ZNF804A: variants seen among roughly 807,000 people sequenced by gnomAD.
ZNF804A encodes the protein zinc finger protein 804A.
Under a neutral mutation model 16.5 loss-of-function variants are expected in ZNF804A, and 2 were observed. The ratio of observed to expected loss-of-function variants is 0.12; its 90% CI spans 0.05 to 0.38. ZNF804A has a LOEUF of 0.38. Among genes scored for constraint, ZNF804A ranks in the 10% least tolerant of loss-of-function variants. ZNF804A has a pLI of 0.99. For missense variants in ZNF804A, 1,473 were observed against 1,390.7 expected, an observed-to-expected ratio of 1.06 and a Z score of -0.94; for synonymous variants, 534 against 489.6, an observed-to-expected ratio of 1.09 and a Z score of -1.20.
chr2:184,837,396 A>G (rs903682379), intron 1 of ZNF804A, among the ~76,000 whole-genome samples: 1 of 152,122 alleles, frequency 6.6e-6, no homozygotes, highest in African/African-American at 2.4e-5. Flanking sequence ...AACATTAGAT[A>G]TGATGGCTTC....
At chr2:184,635,188 A>G (rs1691676862) in intron 1 of ZNF804A, among the ~76,000 whole-genome samples, 1 of 152,180 alleles carries the variant, frequency 6.6e-6, no homozygotes, top group South Asian at 2.1e-4. Flanking sequence ...AATAATATAT[A>G]TACATTCAAC....
chr2:184,878,867 C>A (rs907527795), intron 2 of ZNF804A, among the ~76,000 whole-genome samples: 1 of 151,794 alleles, frequency 6.6e-6, no homozygotes, highest in African/African-American at 2.4e-5. Flanking sequence ...CCAGACCATA[C>A]CCGAATTTTC....
At chr2:184,856,270 A>T (rs555853025) in intron 1 of ZNF804A, among the ~76,000 whole-genome samples, 2 of 152,202 alleles carry the variant, frequency 1.3e-5, no homozygotes, top group African/African-American at 4.8e-5. Context: ...ACATTTTAAA[A>T]AGCCATCTTT....
chr2:184,806,012 C>T (rs796676747), intron 1 of ZNF804A, among the ~76,000 whole-genome samples: 49 of 151,624 alleles, frequency 3.2e-4, no homozygotes, highest in African/African-American at 8.7e-4. Context: ...TAATAATCTC[C>T]GAACCAAACA....
At chr2:184,865,460 A>G (rs1695865689) in intron 1 of ZNF804A, among the ~76,000 whole-genome samples, 1 of 152,100 alleles carries the variant, frequency 6.6e-6, no homozygotes, top group Non-Finnish European at 1.5e-5. Context: ...ACAGGTTCAG[A>G]GATCACATGT....
chr2:184,822,581 A>G (rs1013752132), intron 1 of ZNF804A, among the ~76,000 whole-genome samples: 1 of 152,138 alleles, frequency 6.6e-6, no homozygotes, highest in African/African-American at 2.4e-5. Context: ...GAGTTGAGTG[A>G]AAGAGTAGTG....
intron 1 of ZNF804A, among the ~76,000 whole-genome samples, chr2:184,728,543 C>T (rs1445514794): frequency 1.3e-5 from 2 of 151,976 alleles, no homozygotes; most frequent in Admixed American, 1.3e-4. Context: ...GATGATAGGA[C>T]TTTGCACCTA....
intron 1 of ZNF804A, among the ~76,000 whole-genome samples, chr2:184,832,720 C>A (rs1032537785): frequency 2.0e-5 from 3 of 151,706 alleles, no homozygotes; most frequent in African/African-American, 7.3e-5. Context: ...GATAAATGCT[C>A]TTACATATAC....
chr2:184,704,371 C>G (rs1277277706), intron 1 of ZNF804A, among the ~76,000 whole-genome samples: 1 of 151,944 alleles, frequency 6.6e-6, no homozygotes, highest in South Asian at 2.1e-4. Flanking sequence ...AGGCTGGTCT[C>G]GAACTCCCAA....
At chr2:184,716,431 T>C (rs532504816) in intron 1 of ZNF804A, among the ~76,000 whole-genome samples, 1 of 152,214 alleles carries the variant, frequency 6.6e-6, no homozygotes, top group South Asian at 2.1e-4. Context: ...TTACAGATTA[T>C]TAAAATCAGT....
Position 184,649,531 on chromosome 2 carries a change from G to A in ZNF804A, c.111+50461G>A, listed in dbSNP as rs190121051. ...AACAAGATTGATAGACTAACAACTA[G>A]ATTAAGAAAGAAACAGAGAAGATCC... is the stretch of plus-strand genomic sequence containing the variant. On this transcript the variant is annotated intron_variant, in intron 1 of 3. Transcript: ENST00000302277. Among the ~76,000 whole-genome samples, 643 of 151,996 alleles carry A rather than the reference G, an allele frequency of 4.2e-3. 5 individuals are homozygous for A. The highest frequency in any genetic ancestry group is 0.015 in the African/African-American group (612 of 41,506).
chr2:184,760,373 T>G (rs1009685844), intron 1 of ZNF804A, among the ~76,000 whole-genome samples: 12 of 152,182 alleles, frequency 7.9e-5, no homozygotes, highest in Non-Finnish European at 1.5e-4. Flanking sequence ...TAATTATTTT[T>G]TCATTAAAAT....
In ZNF804A at chr2:184,937,155, G is replaced by A. The variant is rs866122004; in HGVS notation, c.1759G>A (p.Glu587Lys). The change falls in exon 4 of 4, where the codon GAA (glutamate) becomes AAA (lysine). Residue 587 changes from glutamate to lysine, a missense_variant. Coordinates refer to ENST00000302277, the MANE Select transcript of ZNF804A (RefSeq NM_194250.2). Reference protein sequence around the residue: ...YNKIRLKETHEYWFHKSRRKK... With the variant: ...YNKIRLKETHKYWFHKSRRKK... ...CAAAATAAGGTTGAAAGAGACCCAT[G>A]AATACTGGTTCCATAAAAGTAGAAG... The A allele has an allele frequency of 6.2e-7, 1 of 1,604,088 alleles. No individual in the cohort carries two copies. The highest frequency in any genetic ancestry group is 8.5e-7 in the Non-Finnish European group (1 of 1,177,664).
intron 1 of ZNF804A, among the ~76,000 whole-genome samples, chr2:184,648,093 A>G (rs1691912725): frequency 6.6e-6 from 1 of 152,146 alleles, no homozygotes; most frequent in African/African-American, 2.4e-5. Flanking sequence ...CTAGAAGTTA[A>G]AGTATAAATA....
chr2:184,629,681 C>A (rs1691573259), intron 1 of ZNF804A, among the ~76,000 whole-genome samples: 1 of 152,042 alleles, frequency 6.6e-6, no homozygotes, highest in Admixed American at 6.6e-5. Context: ...AGTCAAACTG[C>A]AATATTAAAA....
At chr2:184,840,114 C>A (rs952213243) in intron 1 of ZNF804A, among the ~76,000 whole-genome samples, 1 of 152,258 alleles carries the variant, frequency 6.6e-6, no homozygotes, top group South Asian at 2.1e-4. Flanking sequence ...TCATGGCCAT[C>A]GTGGTGGTTC....
At chr2:184,931,280 C>T (rs1685696435) in intron 2 of ZNF804A, among the ~76,000 whole-genome samples, 1 of 152,244 alleles carries the variant, frequency 6.6e-6, no homozygotes, top group South Asian at 2.1e-4. Flanking sequence ...GGGGATCCCA[C>T]TCACATTTCC....
At chr2:184,881,849 C>T (rs1325070691) in intron 2 of ZNF804A, among the ~76,000 whole-genome samples, 2 of 151,954 alleles carry the variant, frequency 1.3e-5, no homozygotes, top group Non-Finnish European at 2.9e-5. Flanking sequence ...CACTTAAGTA[C>T]ATAGAACAGT....
At chr2:184,703,056 T>G (rs1369586540) in intron 1 of ZNF804A, among the ~76,000 whole-genome samples, 2 of 152,194 alleles carry the variant, frequency 1.3e-5, no homozygotes, top group Admixed American at 6.5e-5. Flanking sequence ...TAGCTCCTTT[T>G]TGATTATAAG....
Sources: allele counts gnomAD v4.1 joint callset (sites outside exome capture counted in the v4.1 genomes callset), GRCh38; gene constraint gnomAD v4.1.1; transcripts MANE v1.5; gene names NCBI Gene and HGNC (gene_info 2026-07-23, HGNC 2026-07-21).